The following DYNC2I2 variants were observed in gnomAD, a reference collection of about 807,000 sequenced individuals.
DYNC2I2 encodes the protein cytoplasmic dynein 2 intermediate chain 2.
DYNC2I2 carries 39 observed loss-of-function variants against 52.0 expected under a neutral mutation model. The ratio of observed to expected loss-of-function variants is 0.75; its 90% CI spans 0.58 to 0.98. The LOEUF is 0.98. DYNC2I2 is among the 50% of genes least tolerant of loss of function. DYNC2I2 has a pLI of 0.00. For synonymous variants in DYNC2I2, 359 were observed against 321.1 expected, an observed-to-expected ratio of 1.12 and a Z score of -1.26; for missense variants, 743 against 728.4, an observed-to-expected ratio of 1.02 and a Z score of -0.23.
At chr9:128,663,676 AGG>A in the DYNC2I2 span, 3 of 119,128 alleles carry the variant, frequency 2.5e-5, no homozygotes, top group Admixed American at 1.0e-4. Context: ...TTTTTGAGAC[AGG>A]GTATCACTCT....
Position 128,640,818 on chromosome 9 carries a change from T to C in DYNC2I2, c.308A>G (p.Tyr103Cys). ...AAAGGCTGCGAGCCTGGGTATGTCA[T>C]ACTGGGACGGGGGCTGCACGCTGAC... ...VPVSVQPPSQ[Y>C]DIPRLAAFLR... Residue 103 changes from tyrosine (Y) to cysteine (C), a missense_variant, in exon 2 of 9, where the codon TAT (tyrosine) becomes TGT (cysteine). Transcript: ENST00000372715. 1 of 1,614,110 alleles carries C rather than the reference T, an allele frequency of 6.2e-7. No individual in the cohort carries two copies. Among genetic ancestry groups the C allele is most frequent in the East Asian group, 2.2e-5 (1 of 44,890 alleles).
At chr9:128,641,759 C>T (rs1451635557) in intron 1 of DYNC2I2, among the ~76,000 whole-genome samples, 1 of 151,968 alleles carries the variant, frequency 6.6e-6, no homozygotes, top group Non-Finnish European at 1.5e-5. Context: ...GGAGGCAAGC[C>T]CGGAGGAAGA....
chr9:128,655,998 A>G (rs1210099535), intron 1 of DYNC2I2, among the ~76,000 whole-genome samples: 1 of 151,784 alleles, frequency 6.6e-6, no homozygotes, highest in Non-Finnish European at 1.5e-5. Context: ...GCTTAAGCCC[A>G]GGAGTTGGAG....
chr9:128,650,624 C>G, intron 1 of DYNC2I2, among the ~76,000 whole-genome samples: 1 of 52,504 alleles, frequency 1.9e-5, no homozygotes, highest in African/African-American at 3.9e-5. Context: ...GTCTTCAACT[C>G]CCAGTCGACC....
chr9:128,633,653 T>A lies in DYNC2I2; in HGVS notation c.*91A>T. The A allele has an allele frequency of 2.8e-6, 4 of 1,418,486 alleles. No individual in the cohort carries two copies. In the East Asian group the frequency reaches 6.9e-5, roughly 24 times the overall value. The allele number at this position is 1,418,486 out of a possible 1,614,324, so 87.9% of individuals were successfully genotyped here. A position where few individuals can be genotyped will look rare whatever the true frequency, so the allele number is the denominator to read the frequency against. On this transcript the variant is annotated 3_prime_UTR_variant, in exon 9 of 9. Transcript: ENST00000372715. Reference sequence around the variant, plus strand: ...ATGTAAAAGACAAATAAATGATGACTTCCCCCAAAGCTTTGCTTTTCTTCA... The same window carrying A: ...ATGTAAAAGACAAATAAATGATGACATCCCCCAAAGCTTTGCTTTTCTTCA...
At chr9:128,675,350 T>C in the DYNC2I2 span, among the ~76,000 whole-genome samples, 13 of 152,000 alleles carry the variant, frequency 8.6e-5, no homozygotes, top group African/African-American at 2.9e-4. Flanking sequence ...GCCAATTTTG[T>C]ATTTTTAGTA....
chr9:128,653,610 GGAAGCTGAGGCAGGAGAATCGCTT>G (rs1211466203), intron 1 of DYNC2I2, among the ~76,000 whole-genome samples: 3 of 150,922 alleles, frequency 2.0e-5, no homozygotes. Flanking sequence ...CAGCTACTCG[GGAAGCTGAGGCAGGAGAATCGCTT>G]GAAGCCGGGA....
At chr9:128,644,735 T>A (rs1181872520) in intron 1 of DYNC2I2, among the ~76,000 whole-genome samples, 1 of 152,230 alleles carries the variant, frequency 6.6e-6, no homozygotes, top group Non-Finnish European at 1.5e-5. Context: ...AACTGAAGGA[T>A]CACGGCGCCC....
At chr9:128,655,913 A>G (rs1860813260) in intron 1 of DYNC2I2, among the ~76,000 whole-genome samples, 1 of 148,424 alleles carries the variant, frequency 6.7e-6, no homozygotes, top group East Asian at 2.0e-4. Flanking sequence ...TGTCTCAAAA[A>G]AAAAAAAAAA....
chr9:128,672,838 C>T, the DYNC2I2 span, among the ~76,000 whole-genome samples: 1 of 152,232 alleles, frequency 6.6e-6, no homozygotes, highest in Middle Eastern at 3.4e-3. Context: ...TCCTGGCTAA[C>T]ATGGTGAAAC....
chr9:128,667,893 C>T, the DYNC2I2 span, among the ~76,000 whole-genome samples: 37 of 140,740 alleles, frequency 2.6e-4, no homozygotes, highest in Non-Finnish European at 5.1e-4. Context: ...CCATCATGCC[C>T]AGCCAATTTT....
upstream of DYNC2I2, among the ~76,000 whole-genome samples, chr9:128,660,475 C>G (rs921171059): frequency 2.6e-4 from 39 of 151,384 alleles, no homozygotes; most frequent in Non-Finnish European, 1.5e-5. Flanking sequence ...GTGGTGTGAT[C>G]TTGGCTCACT....
At chr9:128,641,460 C>G (rs1329387845) in intron 1 of DYNC2I2, among the ~76,000 whole-genome samples, 1 of 152,112 alleles carries the variant, frequency 6.6e-6, no homozygotes, top group Non-Finnish European at 1.5e-5. Flanking sequence ...GAGCACTGCC[C>G]CCAGAGGCCT....
chr9:128,654,923 C>T (rs528713317), intron 1 of DYNC2I2, among the ~76,000 whole-genome samples: 1 of 152,224 alleles, frequency 6.6e-6, no homozygotes, highest in Non-Finnish European at 1.5e-5. Context: ...TAACACACTG[C>T]ATAATTTACT....
intron 1 of DYNC2I2, among the ~76,000 whole-genome samples, chr9:128,645,104 A>G (rs1395035498): frequency 1.3e-5 from 2 of 151,974 alleles, no homozygotes; most frequent in African/African-American, 4.8e-5. Flanking sequence ...TAATCCCAGC[A>G]CTTTGGGAGG....
At chr9:128,678,456 T>TC in the DYNC2I2 span, among the ~76,000 whole-genome samples, 2 of 118,752 alleles carry the variant, frequency 1.7e-5, no homozygotes, top group African/African-American at 6.6e-5. Flanking sequence ...TAATTTTTTT[T>TC]TTTTTTTTTT....
chr9:128,648,068 C>T (rs1860650120), intron 1 of DYNC2I2, among the ~76,000 whole-genome samples: 2 of 152,258 alleles, frequency 1.3e-5, no homozygotes, highest in Non-Finnish European at 2.9e-5. Flanking sequence ...ACCTCCTACC[C>T]AAGCCACAAG....
chr9:128,658,610 C>T (rs570238879), upstream of DYNC2I2, among the ~76,000 whole-genome samples: 2 of 151,840 alleles, frequency 1.3e-5, no homozygotes, highest in African/African-American at 2.4e-5. Flanking sequence ...TACAGGCAAC[C>T]GCCACCACGC....
intron 1 of DYNC2I2, among the ~76,000 whole-genome samples, chr9:128,641,943 A>G (rs1860520906): frequency 2.0e-5 from 3 of 151,452 alleles, no homozygotes; most frequent in South Asian, 2.1e-4. Context: ...TTTGCATGGT[A>G]TTTGGCACAA....
Sources: allele counts gnomAD v4.1 joint callset (sites outside exome capture counted in the v4.1 genomes callset), GRCh38; gene constraint gnomAD v4.1.1; transcripts MANE v1.5; gene names NCBI Gene and HGNC (gene_info 2026-07-23, HGNC 2026-07-21).